Variants in ARHGEF10L observed in about 807,000 individuals in gnomAD.
ARHGEF10L encodes the protein rho guanine nucleotide exchange factor 10-like protein.
A neutral mutation model predicts 141.2 loss-of-function variants in ARHGEF10L; 69 were observed. The ratio of observed to expected loss-of-function variants is 0.49; its 90% CI spans 0.40 to 0.60. The LOEUF (loss-of-function observed/expected upper bound fraction) is 0.60, where lower values mean the gene tolerates loss of function less well. ARHGEF10L is among the 20% of genes least tolerant of loss of function. ARHGEF10L has a pLI of 0.00. For synonymous variants in ARHGEF10L, 711 were observed against 718.5 expected (o/e 0.99, Z 0.17); for missense variants, 1,482 against 1,734.3 (o/e 0.85, Z 2.58).
upstream of ARHGEF10L, among the ~76,000 whole-genome samples, chr1:17,539,345 G>C (rs995428399): frequency 2.0e-5 from 3 of 152,208 alleles, no homozygotes; most frequent in Non-Finnish European, 2.9e-5. The surrounding 1 kb of genome is among the most constrained non-coding windows in gnomAD (Gnocchi z 6.0). Context: ...ATGTTGAAGT[G>C]GGGGAGGAGA....
intron 1 of ARHGEF10L, among the ~76,000 whole-genome samples, chr1:17,546,107 C>T (rs1240650573): frequency 6.6e-6 from 1 of 152,196 alleles, no homozygotes; most frequent in African/African-American, 2.4e-5. Context: ...TGACAAACCT[C>T]ACCTGTCAGG....
At chr1:17,606,750 GAAGA>G (rs1017461370) in intron 6 of ARHGEF10L, among the ~76,000 whole-genome samples, 4 of 152,188 alleles carry the variant, frequency 2.6e-5, no homozygotes, top group Non-Finnish European at 5.9e-5. Flanking sequence ...GGTAACAGAT[GAAGA>G]AATGAAACCC....
At chr1:17,578,277 G>T (rs538937250) in intron 1 of ARHGEF10L, among the ~76,000 whole-genome samples, 3 of 152,294 alleles carry the variant, frequency 2.0e-5, no homozygotes, top group Non-Finnish European at 4.4e-5. Context: ...GCAGCTACAG[G>T]TTTGTTTTCC....
intron 27 of ARHGEF10L, among the ~76,000 whole-genome samples, chr1:17,693,868 GC>G (rs1278494588): frequency 6.6e-6 from 1 of 152,176 alleles, no homozygotes; most frequent in Admixed American, 6.5e-5. Context: ...GAAGGAGACA[GC>G]CCTTTAGAAA....
At chr1:17,692,261 C>T (rs2065159321) in intron 27 of ARHGEF10L, among the ~76,000 whole-genome samples, 1 of 151,908 alleles carries the variant, frequency 6.6e-6, no homozygotes, top group African/African-American at 2.4e-5. Flanking sequence ...TTTTTTTCAG[C>T]CTAGTTTGCA....
At chr1:17,667,339 CT>C (rs1021045578) in intron 26 of ARHGEF10L, among the ~76,000 whole-genome samples, 2 of 152,220 alleles carry the variant, frequency 1.3e-5, no homozygotes, top group African/African-American at 4.8e-5. Context: ...GAGACACAGC[CT>C]GCCCTTGGAG....
chr1:17,598,102 C>CT lies in ARHGEF10L; in HGVS notation c.258-4008dup, dbSNP rs553934561. 9.0e-3 allele frequency among the ~76,000 whole-genome samples: 1,252 copies of CT among 139,016 alleles called. 7 individuals carry two copies. The highest frequency in any genetic ancestry group is 0.02 in the African/African-American group (760 of 38,190). 91.2% of individuals were successfully genotyped at this position (139,016 alleles called of 152,430 possible). On this transcript the variant is annotated intron_variant, in intron 4 of 28. Transcript: ENST00000361221. ...TTGGGTGGCTTATAAACAAGAGAAA[C>CT]TTTTTTTTTTTTTTTTTGAGATGAA...
At chr1:17,533,729 G>A in the ARHGEF10L span, among the ~76,000 whole-genome samples, 1 of 152,154 alleles carries the variant, frequency 6.6e-6, no homozygotes, top group Non-Finnish European at 1.5e-5. Flanking sequence ...TTGAACAGGG[G>A]CAGGAATGTT....
intron 1 of ARHGEF10L, among the ~76,000 whole-genome samples, chr1:17,560,431 G>T (rs1445034822): frequency 6.6e-6 from 1 of 152,188 alleles, no homozygotes; most frequent in African/African-American, 2.4e-5. Context: ...CACTTTGCCT[G>T]GGCCTCAAAT....
intron 10 of ARHGEF10L, among the ~76,000 whole-genome samples, chr1:17,620,054 T>A (rs779498216): frequency 4.6e-5 from 7 of 151,680 alleles, no homozygotes; most frequent in African/African-American, 7.3e-5. Flanking sequence ...ACAAAAAAAA[T>A]TAGATGTGCA....
At chr1:17,531,950 TGGCC>T in the ARHGEF10L span, among the ~76,000 whole-genome samples, 1 of 152,164 alleles carries the variant, frequency 6.6e-6, no homozygotes, top group Non-Finnish European at 1.5e-5. Flanking sequence ...GCTGCAGCCA[TGGCC>T]AGGCCCTCCT....
chr1:17,686,068 G>A (rs2064546216), intron 26 of ARHGEF10L, among the ~76,000 whole-genome samples: 1 of 148,800 alleles, frequency 6.7e-6, no homozygotes, highest in Admixed American at 6.6e-5. Context: ...TGTTTGTTTT[G>A]TTTTGTTTTT....
intron 1 of ARHGEF10L, among the ~76,000 whole-genome samples, chr1:17,572,664 T>G (rs764539004): frequency 2.6e-5 from 4 of 152,192 alleles, no homozygotes; most frequent in Non-Finnish European, 4.4e-5. Flanking sequence ...CCCGCTGGCC[T>G]CCTGTGGCTG....
At chr1:17,529,567 G>T in the ARHGEF10L span, among the ~76,000 whole-genome samples, 7 of 152,200 alleles carry the variant, frequency 4.6e-5, no homozygotes, top group Non-Finnish European at 7.3e-5. Flanking sequence ...TGCCTATCTG[G>T]TTTGCCCAGT....
chr1:17,588,268 T>C (rs957339773), intron 3 of ARHGEF10L, among the ~76,000 whole-genome samples, 178 bp from the exon 4 acceptor site: 68 of 89,710 alleles, frequency 7.6e-4, no homozygotes, highest in Middle Eastern at 0.012. Flanking sequence ...GCAGGCCAGG[T>C]AGGGGAGCTG....
chr1:17,542,107 C>T (rs1437549225), intron 1 of ARHGEF10L, among the ~76,000 whole-genome samples: 1 of 151,284 alleles, frequency 6.6e-6, no homozygotes, highest in African/African-American at 2.4e-5. Context: ...CCACTGCACT[C>T]CAGCCTGGGT....
chr1:17,682,360 T>C (rs1192111266), intron 26 of ARHGEF10L, among the ~76,000 whole-genome samples: 1 of 152,158 alleles, frequency 6.6e-6, no homozygotes, highest in Non-Finnish European at 1.5e-5. Flanking sequence ...ATAACATCAG[T>C]GTATCTCAGT....
chr1:17,623,184 C>T lies in ARHGEF10L; in HGVS notation c.1200+9C>T. 1 of 1,609,734 alleles carries T rather than the reference C, an allele frequency of 6.2e-7. No individual in the cohort carries two copies. The highest frequency in any genetic ancestry group is 8.5e-7 in the Non-Finnish European group (1 of 1,177,958). ...ACCTCTTCGTGGCCTCGGTAAGTGT[C>T]CCCAAACTTTTTCCCCAGCCCACCA... On this transcript the variant is annotated intron_variant, in intron 12 of 28. Transcript: ENST00000361221. The surrounding 1 kb of genome is among the most constrained non-coding windows in gnomAD (Gnocchi z 4.7).
chr1:17,631,182 C>G (rs980788162), intron 15 of ARHGEF10L, among the ~76,000 whole-genome samples: 2 of 152,054 alleles, frequency 1.3e-5, no homozygotes, highest in African/African-American at 4.8e-5. Flanking sequence ...TTTTCCCAGA[C>G]AGGATGGGGA....
Sources: allele counts gnomAD v4.1 joint callset (sites outside exome capture counted in the v4.1 genomes callset), GRCh38; gene constraint gnomAD v4.1.1; non-coding constraint Gnocchi (gnomAD v3.1); transcripts MANE v1.5; gene names NCBI Gene and HGNC (gene_info 2026-07-23, HGNC 2026-07-21).